The following NDUFAF7 variants were observed in gnomAD, a reference collection of about 807,000 sequenced individuals.
NDUFAF7 encodes the protein protein arginine methyltransferase NDUFAF7, mitochondrial.
A neutral mutation model predicts 47.2 loss-of-function variants in NDUFAF7; 48 were observed. The observed-to-expected ratio is 1.02, with a 90% CI of 0.81 to 1.29. NDUFAF7 has a LOEUF of 1.29. Ranked by LOEUF, NDUFAF7 falls within the 50% of genes most tolerant of loss-of-function variation. The pLI is 0.00. For synonymous variants in NDUFAF7, 217 were observed against 190.0 expected (o/e 1.14, Z -1.17); for missense variants, 635 against 537.6 (o/e 1.18, Z -1.79).
At chr2:37,242,998 T>A (rs947091458) in intron 6 of NDUFAF7, among the ~76,000 whole-genome samples, 9 of 152,026 alleles carry the variant, frequency 5.9e-5, no homozygotes, top group Admixed American at 3.3e-4. Context: ...AAAAAAAAAA[T>A]TTTCTTTTTT....
chr2:37,260,860 T>C, the NDUFAF7 span, among the ~76,000 whole-genome samples: 5 of 152,216 alleles, frequency 3.3e-5, no homozygotes, highest in Non-Finnish European at 2.9e-5. Context: ...AATTCCCTTT[T>C]TTTAGGCTCA....
At chr2:37,267,949 C>G in the NDUFAF7 span, 3 of 188,898 alleles carry the variant, frequency 1.6e-5, no homozygotes, top group Non-Finnish European at 1.1e-5. Flanking sequence ...CTCTGGGTGT[C>G]TCTATATTCT....
chr2:37,267,569 G>T, the NDUFAF7 span: 1 of 1,447,844 alleles, frequency 6.9e-7, no homozygotes, highest in Non-Finnish European at 9.7e-7. Context: ...AACGAATGAA[G>T]CAAACTGACA....
chr2:37,249,580 C>G (rs1345436346), downstream of NDUFAF7, among the ~76,000 whole-genome samples: 15 of 139,414 alleles, frequency 1.1e-4, no homozygotes, highest in South Asian at 4.7e-4. Flanking sequence ...CACACACACA[C>G]ACACACACAC....
At chr2:37,265,209 C>G in the NDUFAF7 span, among the ~76,000 whole-genome samples, 1 of 152,060 alleles carries the variant, frequency 6.6e-6, no homozygotes, top group Admixed American at 6.6e-5. Context: ...AAAGATGATA[C>G]AGTTGGATGG....
At chr2:37,254,124 G>C, downstream of NDUFAF7, 3 of 987,698 alleles carry the variant, frequency 3.0e-6, no homozygotes, top group Non-Finnish European at 4.9e-6. Context: ...GCTGATCTTA[G>C]AGTGGTCTCA....
At chr2:37,243,623 G>A (rs1042065790) in intron 6 of NDUFAF7, among the ~76,000 whole-genome samples, 1 of 152,134 alleles carries the variant, frequency 6.6e-6, no homozygotes, top group African/African-American at 2.4e-5. Context: ...CGTTTTTGGG[G>A]TACTTTCCAT....
chr2:37,264,272 C>T, the NDUFAF7 span, among the ~76,000 whole-genome samples: 4 of 151,974 alleles, frequency 2.6e-5, no homozygotes, highest in African/African-American at 9.7e-5. Flanking sequence ...TTCAATCTAA[C>T]AATGTATTGT....
chr2:37,261,343 C>T, the NDUFAF7 span, among the ~76,000 whole-genome samples: 3 of 151,964 alleles, frequency 2.0e-5, no homozygotes, highest in Non-Finnish European at 2.9e-5. Context: ...AAAAACTAAC[C>T]AGGTGTGGTG....
At chr2:37,266,018 G>A in the NDUFAF7 span, among the ~76,000 whole-genome samples, 1 of 151,974 alleles carries the variant, frequency 6.6e-6, no homozygotes, top group African/African-American at 2.4e-5. Flanking sequence ...AATTAGATAC[G>A]CAAAAATACC....
At chr2:37,247,250 G>A in intron 8 of NDUFAF7, 1 of 622,340 alleles carries the variant, frequency 1.6e-6, no homozygotes, top group Non-Finnish European at 2.9e-6. Context: ...GTAGTAGTTT[G>A]TAGTGTATCT....
intron 4 of NDUFAF7, among the ~76,000 whole-genome samples, chr2:37,239,009 TAA>T (rs2148408798): frequency 6.6e-6 from 1 of 151,890 alleles, no homozygotes; most frequent in African/African-American, 2.4e-5. Flanking sequence ...AAAAAAAAGC[TAA>T]AAGTCTGTCA....
chr2:37,232,095 G>GT lies in NDUFAF7; in HGVS notation c.56-6dup. The GT allele has an allele frequency of 6.2e-7, 1 of 1,614,224 alleles. No homozygotes were observed. The highest frequency in any genetic ancestry group is 8.5e-7 in the Non-Finnish European group (1 of 1,180,036). Reference sequence around the variant, plus strand: ...TTATCATGGGGTCTGTTTAATTTGTGTTTTTCGCAGCCATTCCTTTTATTT... The same window carrying GT: ...TTATCATGGGGTCTGTTTAATTTGTGTTTTTTCGCAGCCATTCCTTTTATTT... On this transcript the variant is annotated splice_polypyrimidine_tract_variant and intron_variant, in intron 1 of 9. Coordinates refer to ENST00000002125, the MANE Select transcript of NDUFAF7 (RefSeq NM_144736.5).
chr2:37,253,549 G>C (rs553484547), downstream of NDUFAF7: 109 of 482,270 alleles, frequency 2.3e-4, no homozygotes, highest in Admixed American at 1.3e-3. Flanking sequence ...TTCAAACTCA[G>C]AGTCTCCAAT....
the NDUFAF7 span, among the ~76,000 whole-genome samples, chr2:37,261,508 C>T: frequency 4.2e-5 from 6 of 144,252 alleles, no homozygotes; most frequent in East Asian, 2.1e-4. Flanking sequence ...AGGCCGGGCG[C>T]GGTGGCTCAC....
chr2:37,231,757 G>C lies in NDUFAF7; in HGVS notation c.52G>C (p.Ala18Pro). Reference protein sequence around the residue: ...GLGPLCAVARAAIPFIWRGKY... With the variant: ...GLGPLCAVARPAIPFIWRGKY... ...GGGGCCGTTGTGTGCCGTGGCGCGC[G>C]CAGGTAAGCGTCAGTCCCCTCGAAG... Residue 18 changes from alanine to proline, a missense_variant, in exon 1 of 10, where the codon GCA (alanine) becomes CCA (proline). Coordinates refer to ENST00000002125, the MANE Select transcript of NDUFAF7 (RefSeq NM_144736.5). 6.2e-7 allele frequency: 1 copy of C among 1,614,200 alleles called. No homozygotes were observed. Among genetic ancestry groups the C allele is most frequent in the Non-Finnish European group, 8.5e-7 (1 of 1,180,036 alleles).
the NDUFAF7 span, chr2:37,259,533 C>T: frequency 7.1e-7 from 1 of 1,413,856 alleles, no homozygotes; most frequent in South Asian, 1.2e-5. Context: ...TATGTGGGTG[C>T]TTTGAAAATG....
chr2:37,237,036 TCTCGGCTCACTGTAAC>T (rs1181865789), intron 3 of NDUFAF7, among the ~76,000 whole-genome samples: 1 of 152,142 alleles, frequency 6.6e-6, no homozygotes, highest in Non-Finnish European at 1.5e-5. Flanking sequence ...AGTGGCGCAA[TCTCGGCTCACTGTAAC>T]CTCTGCTTCC....
chr2:37,256,481 G>C (rs755191622), downstream of NDUFAF7, among the ~76,000 whole-genome samples: 2 of 152,094 alleles, frequency 1.3e-5, no homozygotes, highest in Non-Finnish European at 2.9e-5. Context: ...AGAAGACACA[G>C]ATAAAAGTAT....
Sources: allele counts gnomAD v4.1 joint callset (sites outside exome capture counted in the v4.1 genomes callset), GRCh38; gene constraint gnomAD v4.1.1; transcripts MANE v1.5; gene names NCBI Gene and HGNC (gene_info 2026-07-23, HGNC 2026-07-21).